The following SREK1 variants were observed in gnomAD, a reference collection of about 807,000 sequenced individuals.
SREK1 encodes splicing regulatory glutamine/lysine-rich protein 1.
SREK1 carries 13 observed loss-of-function variants against 66.5 expected under a neutral mutation model. The observed-to-expected ratio is 0.20, with a 90% CI of 0.13 to 0.31. The LOEUF is 0.31. SREK1 is among the 10% of genes least tolerant of loss of function. SREK1 has a pLI of 1.00. For missense variants in SREK1, 607 were observed against 769.6 expected (o/e 0.79, Z 2.50); for synonymous variants, 265 against 263.5 (o/e 1.01, Z -0.05).
At chr5:66,155,127 G>A (rs1484554467) in intron 2 of SREK1, among the ~76,000 whole-genome samples, 5 of 152,028 alleles carry the variant, frequency 3.3e-5, no homozygotes, top group Admixed American at 3.3e-4. Flanking sequence ...AAGCCCTACT[G>A]TATTTTGTTA....
intron 5 of SREK1, chr5:66,163,430 G>A (rs760856863): frequency 1.1e-4 from 21 of 191,026 alleles, no homozygotes; most frequent in Middle Eastern, 2.3e-3. Flanking sequence ...AGAGTGTACA[G>A]GATATCAGTA....
intron 2 of SREK1, chr5:66,157,396 C>G: frequency 1.0e-6 from 1 of 984,018 alleles, no homozygotes; most frequent in South Asian, 4.7e-5. Context: ...TGGGACATTA[C>G]TAGATTAGAA....
chr5:66,144,448 G>A lies in SREK1; in HGVS notation c.72G>A (p.Thr24=), dbSNP rs1384128343. 2 of 1,552,080 alleles carry A rather than the reference G, an allele frequency of 1.3e-6. No homozygotes were observed. Among genetic ancestry groups the A allele is most frequent in the Admixed American group, 2.0e-5 (1 of 51,082 alleles). The change falls in exon 1 of 12, where the codon ACG becomes ACA. Residue 24 remains threonine (T), a synonymous_variant. Coordinates refer to ENST00000334121, the MANE Select transcript of SREK1 (RefSeq NM_001077199.3). ...CCCCCACGTCGGTGATTCAGGTGAC[G>A]AATCTGTCGTCGGCGGTGACCAGCG... is the stretch of plus-strand genomic sequence containing the variant. ...GLTPTSVIQV[T]NLSSAVTSEQ... is the part of the protein sequence containing the mutation.
intron 5 of SREK1, 44 bp downstream of exon 5, chr5:66,162,636 T>C: frequency 6.5e-7 from 1 of 1,531,270 alleles, no homozygotes; most frequent in Non-Finnish European, 8.8e-7. Context: ...TTTGAAACAT[T>C]TAAAGTATTT....
rs965219750 is a variant in SREK1, at chr5:66,179,446, C to T, written c.*578C>T. On this transcript the variant is annotated 3_prime_UTR_variant, in exon 12 of 12. Transcript: ENST00000334121. Reference sequence around the variant, plus strand: ...TTGCTCACTGTTTAGGACAATTTTTCTTTAAAATAGTTTTGCAGATTAAAA... The same window carrying T: ...TTGCTCACTGTTTAGGACAATTTTTTTTTAAAATAGTTTTGCAGATTAAAA... The T allele has an allele frequency of 1.3e-5, 2 of 152,326 alleles. No individual in the cohort carries two copies. Among genetic ancestry groups the T allele is most frequent in the Non-Finnish European group, 2.9e-5 (2 of 67,904 alleles). The allele number at this position is 152,326 out of a possible 1,614,324, so 9.4% of individuals were successfully genotyped here.
At chr5:66,145,037 T>A in intron 1 of SREK1, 1 of 986,070 alleles carries the variant, frequency 1.0e-6, no homozygotes, top group Non-Finnish European at 1.2e-6. Flanking sequence ...TGTGTTTGTT[T>A]CCCAGGACGG....
intron 2 of SREK1, chr5:66,156,842 A>AT: frequency 2.0e-6 from 2 of 985,284 alleles, no homozygotes; most frequent in Non-Finnish European, 2.4e-6. Flanking sequence ...GTTAGCTTGA[A>AT]TTTTTTGTTG....
Position 66,170,164 on chromosome 5 carries a change from A to G in SREK1, c.1115A>G (p.His372Arg), listed in dbSNP as rs761019659. 4.0e-5 allele frequency: 64 copies of G among 1,610,328 alleles called. No individual in the cohort carries two copies. Among genetic ancestry groups the G allele is most frequent in the Non-Finnish European group, 4.9e-5 (58 of 1,178,682 alleles). Residue 372 changes from histidine (H) to arginine (R), a missense_variant, in exon 8 of 12, where the codon CAT becomes CGT. Transcript: ENST00000334121. ...RERRKSRSRS[H>R]SRDKRKDTRE... ...AGACGGAAGTCAAGGAGTCGTTCGC[A>G]TTCACGGTGAGTTTTAGAGAAATTA...
At chr5:66,166,591 T>A (rs1367834797) in intron 7 of SREK1, 1 of 151,962 alleles carries the variant, frequency 6.6e-6, no homozygotes, top group Non-Finnish European at 1.5e-5. Flanking sequence ...CCACCTCAGC[T>A]TCTCGAGTAG....
At position 66,144,350 on chromosome 5, in the gene SREK1, C is replaced by T. The variant is rs1051914706; in HGVS notation, c.-27C>T. ...CTGACGCGTCGTAGACGTTGGGGAGCGGGAAGGCAACGGCAGCGGGATCGG... is the reference window on the plus strand; with the variant it reads ...CTGACGCGTCGTAGACGTTGGGGAGTGGGAAGGCAACGGCAGCGGGATCGG... On this transcript the variant is annotated 5_prime_UTR_variant, in exon 1 of 12. Coordinates refer to ENST00000334121, the MANE Select transcript of SREK1 (RefSeq NM_001077199.3). 2.7e-5 allele frequency: 41 copies of T among 1,507,436 alleles called. No homozygotes were observed. In the East Asian group the frequency reaches 9.3e-4, roughly 34 times the overall value. 93.4% of individuals were successfully genotyped at this position (1,507,436 alleles called of 1,614,324 possible). A position where few individuals can be genotyped will look rare whatever the true frequency, so the allele number is the denominator to read the frequency against.
At chr5:66,148,742 G>T (rs1187371334) in intron 1 of SREK1, among the ~76,000 whole-genome samples, 1 of 152,168 alleles carries the variant, frequency 6.6e-6, no homozygotes, top group East Asian at 1.9e-4. Context: ...GGTGACAGAT[G>T]TGAGCCACTG....
chr5:66,155,863 A>G (rs908026744), intron 2 of SREK1, among the ~76,000 whole-genome samples: 1 of 152,218 alleles, frequency 6.6e-6, no homozygotes, highest in Middle Eastern at 3.2e-3. Context: ...TACTTGTCCA[A>G]ATATGACCTC....
chr5:66,171,566 A>G (rs1271042882), intron 9 of SREK1, among the ~76,000 whole-genome samples: 1 of 152,210 alleles, frequency 6.6e-6, no homozygotes, highest in Admixed American at 6.5e-5. Context: ...CTAAACCCAC[A>G]TCCTTTACTT....
intron 3 of SREK1, among the ~76,000 whole-genome samples, chr5:66,160,444 A>C (rs776465307): frequency 2.0e-5 from 3 of 152,060 alleles, no homozygotes; most frequent in Non-Finnish European, 4.4e-5. Context: ...TCTTGGGGGG[A>C]AATGTTTTTT....
Position 66,180,337 on chromosome 5 carries a change from G to A in SREK1, c.*1469G>A, listed in dbSNP as rs1475332916. The A allele has an allele frequency of 1.3e-5, 2 of 152,546 alleles. No homozygotes were observed. The highest frequency in any genetic ancestry group is 2.9e-5 in the Non-Finnish European group (2 of 68,026). 9.4% of individuals were successfully genotyped at this position (152,546 alleles called of 1,614,324 possible). A position where few individuals can be genotyped will look rare whatever the true frequency, so the allele number is the denominator to read the frequency against. On this transcript the variant is annotated 3_prime_UTR_variant, in exon 12 of 12. Transcript: ENST00000334121. ...ATACCTTTTAATTAGTGTATTAAAA[G>A]TTAAGTATAATTATTTTAATGCAAT...
chr5:66,144,578 A>T, intron 1 of SREK1, 41 bp downstream of exon 1: 1 of 1,521,698 alleles, frequency 6.6e-7, no homozygotes, highest in South Asian at 1.2e-5. Flanking sequence ...CGCGGGCGCC[A>T]TAGAGACCTC....
At chr5:66,159,194 T>C (rs924320012) in intron 2 of SREK1, 25 bp from the exon 3 acceptor site, 1 of 1,589,158 alleles carries the variant, frequency 6.3e-7, no homozygotes, top group Non-Finnish European at 8.5e-7. Context: ...CTGCTTTTTG[T>C]AATGTTTGGA....
At chr5:66,150,966 A>C (rs541993066) in intron 1 of SREK1, among the ~76,000 whole-genome samples, 1 of 151,946 alleles carries the variant, frequency 6.6e-6, no homozygotes, top group Admixed American at 6.5e-5. Flanking sequence ...TCAGCCTCCC[A>C]AGTAGCTGGG....
At position 66,181,702 on chromosome 5, in the gene SREK1, G is replaced by T. The variant is rs1240176206; in HGVS notation, c.*2834G>T. ...AACTTTTAAATCCTGAAGTTCTGCA[G>T]TTATCATCTTAGTTATTTTCTATCT... On this transcript the variant is annotated 3_prime_UTR_variant, in exon 12 of 12. Transcript: ENST00000334121. The T allele has an allele frequency of 1.3e-5, 2 of 152,082 alleles. No individual in the cohort carries two copies. The highest frequency in any genetic ancestry group is 2.9e-5 in the Non-Finnish European group (2 of 68,022). 9.4% of individuals were successfully genotyped at this position (152,082 alleles called of 1,614,324 possible).
Sources: gnomAD v4.1 joint callset for allele counts (sites outside exome capture counted in the v4.1 genomes callset) on GRCh38, gnomAD v4.1.1 for gene constraint, MANE v1.5 for transcripts, NCBI Gene and HGNC (gene_info 2026-07-23, HGNC 2026-07-21) for gene names.